KIF26B: variants seen among roughly 807,000 people sequenced by gnomAD.
KIF26B encodes the protein kinesin family member 26B.
A neutral mutation model predicts 151.2 loss-of-function variants in KIF26B; 63 were observed. The observed-to-expected ratio is 0.42, with a 90% CI of 0.34 to 0.51. The LOEUF is 0.51. Ranked by LOEUF, KIF26B falls within the 20% of genes least tolerant of loss-of-function variation. The pLI is 0.07. For missense variants in KIF26B, 2,813 were observed against 2,913.6 expected (o/e 0.97, Z 0.79); for synonymous variants, 1,357 against 1,262.1 (o/e 1.08, Z -1.59).
chr1:245,628,767 G>A lies in KIF26B; in HGVS notation c.2098+16791G>A, dbSNP rs533557052. ...TCTGGCCAGGGCAATCAGACAAGAG[G>A]AAGAAATAAAGCATATTCAAATAGG... is the stretch of plus-strand genomic sequence containing the variant. On this transcript the variant is annotated intron_variant, in intron 9 of 14. Transcript: ENST00000407071. 7.2e-5 allele frequency among the ~76,000 whole-genome samples: 11 copies of A among 152,158 alleles called. No individual in the cohort carries two copies. The East Asian group carries it at 1.9e-3, about 27-fold the overall frequency.
intron 9 of KIF26B, among the ~76,000 whole-genome samples, chr1:245,645,336 T>C (rs2043935781): frequency 1.3e-5 from 2 of 152,198 alleles, no homozygotes; most frequent in Admixed American, 1.3e-4. Context: ...TGCTGATCAG[T>C]ACTCAGCTGA....
chr1:245,498,135 A>G (rs1660549076), intron 4 of KIF26B, among the ~76,000 whole-genome samples: 1 of 152,222 alleles, frequency 6.6e-6, no homozygotes, highest in African/African-American at 2.4e-5. Context: ...TTCCCTGCAT[A>G]TCTCCTTTCT....
In KIF26B at chr1:245,686,577, C is replaced by T. The variant is rs745417707; in HGVS notation, c.3594C>T (p.Ile1198=). 13 of 1,612,572 alleles carry T rather than the reference C, an allele frequency of 8.1e-6. No individual in the cohort carries two copies. The highest frequency in any genetic ancestry group is 1.1e-5 in the Non-Finnish European group (13 of 1,179,640). ...LVFTLVEELT[I]SGVLDSGRPT... ...TCACGCTGGTGGAGGAGCTGACCAT[C>T]AGCGGGGTCCTGGACAGCGGCCGCC... The change falls in exon 12 of 15, where the codon ATC becomes ATT. Residue 1198 remains isoleucine, a synonymous_variant. Coordinates refer to ENST00000407071, the MANE Select transcript of KIF26B (RefSeq NM_018012.4). The surrounding 1 kb of genome is among the most constrained non-coding windows in gnomAD (Gnocchi z 5.6).
intron 5 of KIF26B, among the ~76,000 whole-genome samples, chr1:245,592,747 G>A (rs1459448402): frequency 1.3e-5 from 2 of 151,982 alleles, no homozygotes; most frequent in Non-Finnish European, 2.9e-5. Context: ...TGTCATGCAG[G>A]ATTATTATTG....
intron 8 of KIF26B, among the ~76,000 whole-genome samples, chr1:245,610,406 AC>A (rs772098261): frequency 6.6e-6 from 1 of 151,924 alleles, no homozygotes; most frequent in Non-Finnish European, 1.5e-5. Context: ...ATCGCTGGGC[AC>A]CCCCCCAGAG....
At chr1:245,188,486 A>G (rs1573697210) in intron 2 of KIF26B, among the ~76,000 whole-genome samples, 2 of 152,076 alleles carry the variant, frequency 1.3e-5, no homozygotes, top group South Asian at 2.1e-4. Flanking sequence ...ATTCAGAGAG[A>G]CATTTCAACT....
In KIF26B at chr1:245,244,854, G is replaced by A. The variant is rs566260101; in HGVS notation, c.465+88171G>A. Among the ~76,000 whole-genome samples the A allele has an allele frequency of 6.6e-6, 1 of 151,558 alleles. No individual in the cohort carries two copies. Among genetic ancestry groups the A allele is most frequent in the African/African-American group, 2.4e-5 (1 of 41,324 alleles). On this transcript the variant is annotated intron_variant, in intron 2 of 14. Coordinates refer to ENST00000407071, the MANE Select transcript of KIF26B (RefSeq NM_018012.4). This position sits in a 1 kb window ranked among gnomAD's most constrained non-coding sequence, Gnocchi z 4.2. The stretch of plus-strand genomic sequence containing the variant: ...GTTATTCCTATGAACGATTCCTTCT[G>A]TTCTTCTAAGTCCCTTCTACTTTAT...
At chr1:245,390,366 C>T (rs956251925) in intron 3 of KIF26B, among the ~76,000 whole-genome samples, 7 of 152,020 alleles carry the variant, frequency 4.6e-5, no homozygotes, top group East Asian at 1.9e-4. Context: ...TACAGGTGCC[C>T]GCCACCATGC....
At chr1:245,514,058 G>C (rs528876303) in intron 4 of KIF26B, among the ~76,000 whole-genome samples, 1 of 152,048 alleles carries the variant, frequency 6.6e-6, no homozygotes, top group African/African-American at 2.4e-5. Flanking sequence ...ACAATGCATC[G>C]CGTCCTTGAA....
intron 5 of KIF26B, among the ~76,000 whole-genome samples, chr1:245,552,125 GT>G (rs1558211145): frequency 7.1e-5 from 4 of 56,232 alleles, no homozygotes; most frequent in East Asian, 1.2e-3. Context: ...CCAGCAGGGT[GT>G]GTGTGTGTGT....
At chr1:245,504,090 C>A (rs946679357) in intron 4 of KIF26B, among the ~76,000 whole-genome samples, 6 of 152,178 alleles carry the variant, frequency 3.9e-5, no homozygotes, top group African/African-American at 1.4e-4. Context: ...TCTCTGCACA[C>A]TTCTGGAGTA....
At chr1:245,497,108 G>GCAC in intron 4 of KIF26B, among the ~76,000 whole-genome samples, 1 of 148,876 alleles carries the variant, frequency 6.7e-6, no homozygotes, top group East Asian at 2.0e-4. Context: ...AGCCGAGATT[G>GCAC]CACCATTGCA....
At chr1:245,465,387 C>T (rs1490727407) in intron 4 of KIF26B, among the ~76,000 whole-genome samples, 1 of 113,626 alleles carries the variant, frequency 8.8e-6, no homozygotes, top group Non-Finnish European at 1.8e-5. Flanking sequence ...GCCCCATCAC[C>T]TAAGCTCGTG....
intron 2 of KIF26B, among the ~76,000 whole-genome samples, chr1:245,238,668 C>G (rs1670157801): frequency 6.6e-6 from 1 of 152,136 alleles, no homozygotes; most frequent in African/African-American, 2.4e-5. Flanking sequence ...TGAGACCAGC[C>G]TGCCCAACAT....
At chr1:245,559,452 G>A (rs1054371940) in intron 5 of KIF26B, among the ~76,000 whole-genome samples, 12 of 151,632 alleles carry the variant, frequency 7.9e-5, no homozygotes, top group East Asian at 7.7e-4. Flanking sequence ...TTGCTCTGTC[G>A]CCCACGTTGG....
intron 2 of KIF26B, among the ~76,000 whole-genome samples, chr1:245,311,727 G>A (rs964107667): frequency 2.6e-5 from 4 of 152,198 alleles, no homozygotes; most frequent in African/African-American, 9.7e-5. Flanking sequence ...GAGGTCAGGA[G>A]TTCGAGACCA....
chr1:245,328,078 A>G lies in KIF26B; in HGVS notation c.466-38756A>G, dbSNP rs148006328. Among the ~76,000 whole-genome samples, 780 of 152,072 alleles carry G rather than the reference A, an allele frequency of 5.1e-3. 2 individuals carry two copies. Among genetic ancestry groups the G allele is most frequent in the African/African-American group, 0.016 (674 of 41,438 alleles). ...CCTGTCACGGCCTGTCAGGAGAGTG[A>G]CAGGTGAGGGTGGGCAGGAGGTCTC... On this transcript the variant is annotated intron_variant, in intron 2 of 14. Coordinates refer to ENST00000407071, the MANE Select transcript of KIF26B (RefSeq NM_018012.4).
chr1:245,230,625 C>T (rs1669976976), intron 2 of KIF26B, among the ~76,000 whole-genome samples: 1 of 151,952 alleles, frequency 6.6e-6, no homozygotes, highest in African/African-American at 2.4e-5. Context: ...TGCCTGTAAT[C>T]CCAGCTACTC....
chr1:245,165,506 G>T (rs1401157945), intron 2 of KIF26B, among the ~76,000 whole-genome samples: 1 of 152,214 alleles, frequency 6.6e-6, no homozygotes, highest in Non-Finnish European at 1.5e-5. Flanking sequence ...CGGCTTCTGA[G>T]GTGGAGATAT....
Sources: gnomAD v4.1 joint callset for allele counts (sites outside exome capture counted in the v4.1 genomes callset) on GRCh38, gnomAD v4.1.1 for gene constraint, Gnocchi (gnomAD v3.1) non-coding constraint, MANE v1.5 for transcripts, NCBI Gene and HGNC (gene_info 2026-07-23, HGNC 2026-07-21) for gene names.